SLC7A2: variants seen among roughly 807,000 people sequenced by gnomAD.
SLC7A2 encodes cationic amino acid transporter 2.
SLC7A2 carries 48 observed loss-of-function variants against 58.9 expected under a neutral mutation model. The observed-to-expected ratio is 0.82, with a 90% CI of 0.65 to 1.04. The LOEUF (loss-of-function observed/expected upper bound fraction) is 1.04. Among genes scored for constraint, SLC7A2 ranks in the 50% least tolerant of loss-of-function variants. The pLI, the probability that SLC7A2 is intolerant of heterozygous loss-of-function variation, is 0.00. For synonymous variants in SLC7A2, 363 were observed against 314.5 expected (o/e 1.15, Z -1.63); for missense variants, 1,029 against 818.8 (o/e 1.26, Z -3.13).
In SLC7A2 at chr8:17,543,780, C is replaced by G. The variant is rs903972781; in HGVS notation, c.376+65C>G. Reference sequence around the variant, plus strand: ...GAAATCGCAGCCCTGAGTCACAGCCCTTAGGTTCAGTTGTAGGTGTTGGGT... The same window carrying G: ...GAAATCGCAGCCCTGAGTCACAGCCGTTAGGTTCAGTTGTAGGTGTTGGGT... On this transcript the variant is annotated intron_variant, in intron 3 of 12. Transcript: ENST00000494857. 3 of 1,439,686 alleles carry G rather than the reference C, an allele frequency of 2.1e-6. No homozygotes were observed. The African/African-American group carries it at 4.3e-5, about 21-fold the overall frequency. The allele number at this position is 1,439,686 out of a possible 1,614,324, so 89.2% of individuals were successfully genotyped here. A position where few individuals can be genotyped will look rare whatever the true frequency, so the allele number is the denominator to read the frequency against.
chr8:17,515,152 A>ATT (rs1234970607), intron 2 of SLC7A2, among the ~76,000 whole-genome samples: 9 of 152,196 alleles, frequency 5.9e-5, no homozygotes, highest in Non-Finnish European at 8.8e-5. Context: ...CCAACTCAAT[A>ATT]TTTATTTGAT....
intron 2 of SLC7A2, among the ~76,000 whole-genome samples, chr8:17,503,309 C>G (rs1425751076): frequency 6.6e-6 from 1 of 152,116 alleles, no homozygotes; most frequent in East Asian, 1.9e-4. Flanking sequence ...CTCGGCCTCC[C>G]AAAGTGCTGG....
rs1284433743 is a variant in SLC7A2, at chr8:17,569,962, A to T, written c.*4816A>T. ...TCTTAGACTGATGGGGTAGGATATG[A>T]AGTGAAAGACTTCAAATGCAAGTAA... On this transcript the variant is annotated 3_prime_UTR_variant, in exon 13 of 13. Coordinates refer to ENST00000494857, the MANE Select transcript of SLC7A2 (RefSeq NM_001370338.1). 2 of 152,200 alleles carry T rather than the reference A, an allele frequency of 1.3e-5. No individual in the cohort carries two copies. The highest frequency in any genetic ancestry group is 6.5e-5 in the Admixed American group (1 of 15,282). 9.4% of individuals were successfully genotyped at this position (152,200 alleles called of 1,614,324 possible).
intron 2 of SLC7A2, among the ~76,000 whole-genome samples, chr8:17,536,346 C>T (rs1801665313): frequency 6.6e-6 from 1 of 152,122 alleles, no homozygotes; most frequent in African/African-American, 2.4e-5. Context: ...AGGAAGATCA[C>T]TTGAGGTCAG....
chr8:17,543,679 A>G lies in SLC7A2; in HGVS notation c.340A>G (p.Ile114Val), dbSNP rs754563031. Reference protein sequence around the residue: ...YVTVGELWAFITGWNLILSYV... With the variant: ...YVTVGELWAFVTGWNLILSYV... ...GACTGTCGGAGAGCTGTGGGCCTTCATCACTGGCTGGAATCTCATTTTATC... is the reference window on the plus strand; with the variant it reads ...GACTGTCGGAGAGCTGTGGGCCTTCGTCACTGGCTGGAATCTCATTTTATC... The change falls in exon 3 of 13, where the codon ATC becomes GTC. Residue 114 changes from isoleucine to valine, a missense_variant. Ile to Val is a conservative substitution (Grantham distance 29). Coordinates refer to ENST00000494857, the MANE Select transcript of SLC7A2 (RefSeq NM_001370338.1). 7.2e-6 allele frequency: 11 copies of G among 1,521,992 alleles called. No homozygotes were observed. Among genetic ancestry groups the G allele is most frequent in the African/African-American group, 1.4e-5 (1 of 71,866 alleles). The allele number at this position is 1,521,992 out of a possible 1,614,324, so 94.3% of individuals were successfully genotyped here.
At chr8:17,507,644 G>C (rs1800425535) in intron 2 of SLC7A2, among the ~76,000 whole-genome samples, 1 of 152,044 alleles carries the variant, frequency 6.6e-6, no homozygotes, top group Admixed American at 6.5e-5. Flanking sequence ...GAAATATTCT[G>C]TGTCCTATAA....
intron 5 of SLC7A2, among the ~76,000 whole-genome samples, chr8:17,549,976 T>G (rs1467054649): frequency 6.6e-6 from 1 of 152,168 alleles, no homozygotes; most frequent in Non-Finnish European, 1.5e-5. Flanking sequence ...AGGTTTCTGG[T>G]CTTTGTCCCA....
intron 12 of SLC7A2, 51 bp downstream of exon 12, chr8:17,563,762 G>T: frequency 9.1e-7 from 1 of 1,101,114 alleles, no homozygotes; most frequent in South Asian, 1.3e-5. Flanking sequence ...GCTGTGATGA[G>T]AGAAACATGC....
chr8:17,514,109 G>A (rs986350019), intron 2 of SLC7A2, among the ~76,000 whole-genome samples: 1 of 152,008 alleles, frequency 6.6e-6, no homozygotes, highest in Non-Finnish European at 1.5e-5. Context: ...AAAACACCTC[G>A]GCACATTAGT....
In SLC7A2 at chr8:17,553,006, T is replaced by C. The variant is rs566983181; in HGVS notation, c.1055+1020T>C. 1.4e-4 allele frequency among the ~76,000 whole-genome samples: 22 copies of C among 152,330 alleles called. No homozygotes were observed. The South Asian group carries it at 4.4e-3, about 30-fold the overall frequency. Reference sequence around the variant, plus strand: ...CTTTTATTTTCTAGTTAAGACAATATTGAGTAGCAATTAGACACTCTTGGT... The same window carrying C: ...CTTTTATTTTCTAGTTAAGACAATACTGAGTAGCAATTAGACACTCTTGGT... On this transcript the variant is annotated intron_variant, in intron 7 of 12. Coordinates refer to ENST00000494857, the MANE Select transcript of SLC7A2 (RefSeq NM_001370338.1).
intron 2 of SLC7A2, among the ~76,000 whole-genome samples, chr8:17,526,368 G>C (rs987572046): frequency 6.6e-6 from 1 of 152,166 alleles, no homozygotes; most frequent in African/African-American, 2.4e-5. Context: ...CAGATGACAG[G>C]GAAGCAGAGC....
intron 2 of SLC7A2, chr8:17,538,637 A>C (rs948004315): frequency 1.7e-6 from 1 of 577,042 alleles, no homozygotes; most frequent in Non-Finnish European, 2.9e-6. Context: ...CCACGTTATA[A>C]TTTGAAAATT....
At chr8:17,542,126 C>T (rs13275006) in intron 2 of SLC7A2, among the ~76,000 whole-genome samples, 34,654 of 152,108 alleles carry the variant, frequency 0.23, 4,083 homozygotes, top group African/African-American at 0.27. Flanking sequence ...TTCAGCAGGC[C>T]TTGAGAGGTG....
chr8:17,518,234 C>G (rs1373413302), intron 2 of SLC7A2, among the ~76,000 whole-genome samples: 1 of 148,264 alleles, frequency 6.7e-6, no homozygotes, highest in African/African-American at 2.5e-5. Context: ...TTTTTTTGCA[C>G]AACATCCAAA....
At chr8:17,500,997 A>T (rs114596919) in intron 1 of SLC7A2, among the ~76,000 whole-genome samples, 39,828 of 144,564 alleles carry the variant, frequency 0.28, 6,046 homozygotes, top group Non-Finnish European at 0.35. Flanking sequence ...GTTGCTTTTC[A>T]CATTCTTATC....
chr8:17,560,321 G>C lies in SLC7A2; in HGVS notation c.1299-7G>C. The C allele has an allele frequency of 6.2e-7, 1 of 1,611,312 alleles. No individual in the cohort carries two copies. The highest frequency in any genetic ancestry group is 1.1e-5 in the South Asian group (1 of 91,014). ...GAATAAAGACATAGATGTTTGTTTG[G>C]AAATAGGTACCAGCCTGGCTTATCT... On this transcript the variant is annotated splice_polypyrimidine_tract_variant and splice_region_variant and intron_variant, in intron 9 of 12. Coordinates refer to ENST00000494857, the MANE Select transcript of SLC7A2 (RefSeq NM_001370338.1).
chr8:17,542,821 G>T (rs1465510598), intron 2 of SLC7A2, among the ~76,000 whole-genome samples: 1 of 152,016 alleles, frequency 6.6e-6, no homozygotes, highest in Non-Finnish European at 1.5e-5. Context: ...TGGACATGGT[G>T]GCTCACACCT....
intron 2 of SLC7A2, among the ~76,000 whole-genome samples, chr8:17,509,114 G>A (rs201883319): frequency 6.6e-6 from 1 of 152,124 alleles, no homozygotes; most frequent in East Asian, 1.9e-4. Flanking sequence ...TTGAAAGTTC[G>A]AGTCATCTGT....
chr8:17,515,977 T>C (rs1188200114), intron 2 of SLC7A2, among the ~76,000 whole-genome samples: 1 of 152,130 alleles, frequency 6.6e-6, no homozygotes, highest in Non-Finnish European at 1.5e-5. Context: ...ATATCCTTTA[T>C]TAGTAGTTCT....
Sources: gnomAD v4.1 joint callset for allele counts (sites outside exome capture counted in the v4.1 genomes callset) on GRCh38, gnomAD v4.1.1 for gene constraint, MANE v1.5 for transcripts, NCBI Gene and HGNC (gene_info 2026-07-23, HGNC 2026-07-21) for gene names.